The following CREBBP variants were observed in gnomAD, a reference collection of about 807,000 sequenced individuals.
The protein encoded by CREBBP is CREB binding lysine acetyltransferase, also known as CREB-binding protein.
Under a neutral mutation model 265.0 loss-of-function variants are expected in CREBBP, and 19 were observed. That is an observed-to-expected ratio of 0.07 (90% CI 0.05 to 0.11). The LOEUF is 0.11. CREBBP is among the 10% of genes least tolerant of loss of function. The pLI is 1.00. For missense variants in CREBBP, 2,525 were observed against 3,219.0 expected (o/e 0.78, Z 5.22); for synonymous variants, 1,457 against 1,223.7 (o/e 1.19, Z -3.98).
chr16:3,845,786 C>G (rs1171491172), intron 2 of CREBBP, among the ~76,000 whole-genome samples: 1 of 150,374 alleles, frequency 6.7e-6, no homozygotes, highest in Admixed American at 6.7e-5. Flanking sequence ...ACTGGGGAGG[C>G]TGAGGCAGGC....
chr16:3,795,928 T>C (rs975828743), intron 3 of CREBBP, among the ~76,000 whole-genome samples: 2 of 152,250 alleles, frequency 1.3e-5, no homozygotes, highest in African/African-American at 4.8e-5. Flanking sequence ...TACTGAGTCA[T>C]ATCCCAATTT....
chr16:3,746,091 T>C (rs1596825850), intron 21 of CREBBP, among the ~76,000 whole-genome samples: 1 of 152,158 alleles, frequency 6.6e-6, no homozygotes. Flanking sequence ...GGTCAAGACC[T>C]TGGGTTTTTG....
chr16:3,880,084 G>T lies in CREBBP; in HGVS notation c.-168C>A. On this transcript the variant is annotated 5_prime_UTR_variant, in exon 1 of 31. Transcript: ENST00000262367. ...GGGCGCAGGCCGGGTGGGGGAGGCG[G>T]CGGCCAAATCTCAGCCACAGCAACA... The T allele has an allele frequency of 3.0e-6, 1 of 329,530 alleles. No homozygotes were observed. 20.4% of individuals were successfully genotyped at this position (329,530 alleles called of 1,614,324 possible).
At chr16:3,762,553 G>GT (rs1275064359) in intron 16 of CREBBP, among the ~76,000 whole-genome samples, 1 of 151,890 alleles carries the variant, frequency 6.6e-6, no homozygotes, top group African/African-American at 2.4e-5. Flanking sequence ...CAGAAGTGAA[G>GT]TCAGGAGTGT....
At chr16:3,787,334 A>T (rs1299595938) in intron 5 of CREBBP, among the ~76,000 whole-genome samples, 2 of 152,302 alleles carry the variant, frequency 1.3e-5, no homozygotes, top group Non-Finnish European at 2.9e-5. Flanking sequence ...ACACTGGCGC[A>T]GTGACACTGC....
intron 2 of CREBBP, among the ~76,000 whole-genome samples, chr16:3,833,140 C>T (rs1597021860): frequency 6.6e-6 from 1 of 152,198 alleles, no homozygotes; most frequent in South Asian, 2.1e-4. Flanking sequence ...TGGCCAGGCA[C>T]GGTGGCTCAC....
Position 3,727,830 on chromosome 16 carries a change from C to G in CREBBP, c.7217G>C (p.Ser2406Thr), listed in dbSNP as rs2151298509. The G allele has an allele frequency of 6.2e-7, 1 of 1,614,138 alleles. No individual in the cohort carries two copies. Among genetic ancestry groups the G allele is most frequent in the Middle Eastern group, 1.6e-4 (1 of 6,062 alleles). Residue 2406 changes from serine to threonine, a missense_variant, in exon 31 of 31, where the codon AGT (serine) becomes ACT (threonine). Physicochemically the swap from Ser to Thr is moderately conservative, Grantham distance 58. Around this residue, in one of 19 missense-constraint regions of CREBBP, gnomAD observed 473 missense variants for 459.3 expected, o/e 1.03. Transcript: ENST00000262367. ...GGTGTTCAGCTGGGGGAGCATTGCA[C>G]TCTGTTCGGGGTTCCCCAAGTGTCC... ...DQGHLGNPEQ[S>T]AMLPQLNTPS...
At chr16:3,832,342 T>C (rs892761859) in intron 2 of CREBBP, among the ~76,000 whole-genome samples, 4 of 152,198 alleles carry the variant, frequency 2.6e-5, no homozygotes, top group Non-Finnish European at 4.4e-5. Flanking sequence ...CAGTATATTA[T>C]TGTTATCAAA....
At chr16:3,839,838 A>AG (rs1491455816) in intron 2 of CREBBP, among the ~76,000 whole-genome samples, 38 of 151,214 alleles carry the variant, frequency 2.5e-4, no homozygotes, top group African/African-American at 9.1e-4. Context: ...AAAGAGAAGG[A>AG]AAGAGAGAGA....
At chr16:3,852,153 ATTTG>A (rs1351501881) in intron 1 of CREBBP, among the ~76,000 whole-genome samples, 2,951 of 105,780 alleles carry the variant, frequency 0.028, 378 homozygotes, top group African/African-American at 0.1. Context: ...CCAATCTTAA[ATTTG>A]TTTTTTTTTT....
At chr16:3,811,839 A>G (rs1239776236) in intron 2 of CREBBP, among the ~76,000 whole-genome samples, 1 of 152,002 alleles carries the variant, frequency 6.6e-6, no homozygotes, top group Non-Finnish European at 1.5e-5. Context: ...AGCTTACTTC[A>G]CTGTAAAGAT....
intron 2 of CREBBP, among the ~76,000 whole-genome samples, chr16:3,815,765 C>T (rs1450291377): frequency 6.6e-6 from 1 of 151,742 alleles, no homozygotes; most frequent in Non-Finnish European, 1.5e-5. Flanking sequence ...AATGGGGTGT[C>T]CGTCACCTCA....
At chr16:3,775,302 T>A (rs1317909071) in intron 11 of CREBBP, among the ~76,000 whole-genome samples, 1 of 152,180 alleles carries the variant, frequency 6.6e-6, no homozygotes, top group African/African-American at 2.4e-5. Context: ...AACCTTAGCC[T>A]CCTGTAGTTT....
intron 5 of CREBBP, among the ~76,000 whole-genome samples, chr16:3,786,419 T>A (rs1303676327): frequency 6.6e-6 from 1 of 152,136 alleles, no homozygotes; most frequent in Non-Finnish European, 1.5e-5. Context: ...ACAGTCTATG[T>A]TGCTGATGCA....
In CREBBP at chr16:3,760,333, C is replaced by T. The variant is rs563979666; in HGVS notation, c.3251-1361G>A. ...TCTCGAACTCCTGAGCTCAAGCGCT[C>T]CCCCTGCCTCAGCCTTCCAAAGTGC... On this transcript the variant is annotated intron_variant, in intron 16 of 30. Transcript: ENST00000262367. 5.3e-5 allele frequency among the ~76,000 whole-genome samples: 8 copies of T among 151,092 alleles called. No individual in the cohort carries two copies. The East Asian group carries it at 1.6e-3, about 29-fold the overall frequency.
At position 3,880,652 on chromosome 16, in the gene CREBBP, T is replaced by A. The variant is rs1386124102; in HGVS notation, c.-736A>T. Reference sequence around the variant, plus strand: ...GGGGCCCGGGACCGGCGGGGCCGAGTAGATCGCGCTCGAAGCCCCGGTCGG... The same window carrying A: ...GGGGCCCGGGACCGGCGGGGCCGAGAAGATCGCGCTCGAAGCCCCGGTCGG... On this transcript the variant is annotated 5_prime_UTR_variant, in exon 1 of 31. Coordinates refer to ENST00000262367, the MANE Select transcript of CREBBP (RefSeq NM_004380.3). 7.0e-6 allele frequency: 1 copy of A among 143,200 alleles called. No individual in the cohort carries two copies. Among genetic ancestry groups the A allele is most frequent in the Non-Finnish European group, 1.5e-5 (1 of 65,312 alleles). 8.9% of individuals were successfully genotyped at this position (143,200 alleles called of 1,614,324 possible).
At chr16:3,876,287 G>C (rs1054637935) in intron 1 of CREBBP, among the ~76,000 whole-genome samples, 1 of 149,866 alleles carries the variant, frequency 6.7e-6, no homozygotes, top group Non-Finnish European at 1.5e-5. Flanking sequence ...CAATCCTCCT[G>C]TCTCAGTCTC....
intron 2 of CREBBP, among the ~76,000 whole-genome samples, chr16:3,815,710 G>GT (rs934611850): frequency 5.9e-5 from 9 of 151,454 alleles, no homozygotes; most frequent in East Asian, 1.9e-4. Context: ...GGTTACATGA[G>GT]TTTTTTTTAC....
rs2151384124 is a variant in CREBBP at position 3,758,037 on chromosome 16, G to A, written c.3381C>T (p.Asp1127=). The change falls in exon 18 of 31, where the codon GAC becomes GAT. Residue 1127 remains aspartate (D), a synonymous_variant. Transcript: ENST00000262367. ...AGAGGTCCATGGGATTCTTTACGAT[G>A]TCAAAATAGTCCTTAAAAAAAAAAA... is the stretch of plus-strand genomic sequence containing the variant. ...PQLLGIPDYF[D]IVKNPMDLST... is the part of the protein sequence containing the mutation. The A allele has an allele frequency of 1.2e-6, 2 of 1,608,328 alleles. No homozygotes were observed. Among genetic ancestry groups the A allele is most frequent in the Non-Finnish European group, 1.7e-6 (2 of 1,179,742 alleles).
Sources: gnomAD v4.1 joint callset for allele counts (sites outside exome capture counted in the v4.1 genomes callset) on GRCh38, gnomAD v4.1.1 for gene constraint, gnomAD v4.1.1 regional missense constraint, MANE v1.5 for transcripts, NCBI Gene and HGNC (gene_info 2026-07-23, HGNC 2026-07-21) for gene names.